Variants in MS4A1 observed in about 807,000 individuals in gnomAD.
MS4A1 encodes the protein B-lymphocyte antigen CD20.
Under a neutral mutation model 26.5 loss-of-function variants are expected in MS4A1, and 16 were observed. The observed-to-expected ratio is 0.60, with a 90% CI of 0.41 to 0.92. MS4A1 has a LOEUF of 0.92. MS4A1 is among the 40% of genes least tolerant of loss of function. MS4A1 has a pLI of 0.00. For synonymous variants in MS4A1, 128 were observed against 117.6 expected (o/e 1.09, Z -0.57); for missense variants, 350 against 353.0 (o/e 0.99, Z 0.07).
At chr11:60,462,680 A>G (rs1419501682) in intron 3 of MS4A1, 147 bp downstream of exon 3, 1 of 1,080,726 alleles carries the variant, frequency 9.3e-7, no homozygotes, top group African/African-American at 1.6e-5. Context: ...AGTGGGCCAA[A>G]TCAGGGGTGC....
chr11:60,462,910 T>C, intron 3 of MS4A1, 92 bp from the exon 4 acceptor site: 1 of 1,585,978 alleles, frequency 6.3e-7, no homozygotes, highest in Non-Finnish European at 8.6e-7. Context: ...TCCTCACAGC[T>C]CCAAGTCAGG....
Position 60,463,123 on chromosome 11 carries a change from T to C in MS4A1, c.279+2T>C. 1 of 1,614,006 alleles carries C rather than the reference T, an allele frequency of 6.2e-7. No homozygotes were observed. Among genetic ancestry groups the C allele is most frequent in the Non-Finnish European group, 8.5e-7 (1 of 1,179,986 alleles). On this transcript the variant is annotated splice_donor_variant, in intron 4 of 7. Transcript: ENST00000345732. LOFTEE classifies it high-confidence loss of function. Reference sequence around the variant, plus strand: ...TACCCTCTCTGGGGAGGCATTATGGTGAGTAAAAGAATAGCAGCCATTTGG... The same window carrying C: ...TACCCTCTCTGGGGAGGCATTATGGCGAGTAAAAGAATAGCAGCCATTTGG...
intron 7 of MS4A1, among the ~76,000 whole-genome samples, 154 bp downstream of exon 7, chr11:60,467,214 TATG>T (rs1017863860): frequency 6.6e-6 from 1 of 151,760 alleles, no homozygotes; most frequent in East Asian, 1.9e-4. Context: ...AAGCAAATAA[TATG>T]ATGTCTTGAA....
At chr11:60,462,001 A>AT (rs1565193984) in intron 2 of MS4A1, among the ~76,000 whole-genome samples, 184 bp from the exon 3 acceptor site, 1 of 152,208 alleles carries the variant, frequency 6.6e-6, no homozygotes, top group Non-Finnish European at 1.5e-5. Flanking sequence ...TTGAAAATAC[A>AT]TTTTTCAATA....
rs201807262 is a variant in MS4A1, at chr11:60,470,540, C to A, written c.*2072C>A. 1.3e-5 allele frequency: 2 copies of A among 151,900 alleles called. No individual in the cohort carries two copies. Among genetic ancestry groups the A allele is most frequent in the Non-Finnish European group, 2.9e-5 (2 of 67,878 alleles). 9.4% of individuals were successfully genotyped at this position (151,900 alleles called of 1,614,324 possible). A position where few individuals can be genotyped will look rare whatever the true frequency, so the allele number is the denominator to read the frequency against. The stretch of plus-strand genomic sequence containing the variant: ...TTATAATAGGAGACATCTTTAATGT[C>A]TGCTATTAAAGAAGGATGAAAATTC... On this transcript the variant is annotated 3_prime_UTR_variant, in exon 8 of 8. Coordinates refer to ENST00000345732, the MANE Select transcript of MS4A1 (RefSeq NM_152866.3).
Position 60,466,011 on chromosome 11 carries a change from A to T in MS4A1, c.427A>T (p.Ile143Phe). 1 of 1,613,836 alleles carries T rather than the reference A, an allele frequency of 6.2e-7. No homozygotes were observed. Among genetic ancestry groups the T allele is most frequent in the Non-Finnish European group, 8.5e-7 (1 of 1,179,820 alleles). The part of the protein sequence containing the change: ...LSIMDILNIK[I>F]SHFLKMESLN... Reference sequence around the variant, plus strand: ...AATCATGGACATACTTAATATTAAAATTTCCCATTTTTTAAAAATGGAGAG... The same window carrying T: ...AATCATGGACATACTTAATATTAAATTTTCCCATTTTTTAAAAATGGAGAG... The change falls in exon 6 of 8, where the codon ATT becomes TTT. Residue 143 changes from isoleucine (I) to phenylalanine (F), a missense_variant. Physicochemically the swap from Ile to Phe is conservative, Grantham distance 21. Coordinates refer to ENST00000345732, the MANE Select transcript of MS4A1 (RefSeq NM_152866.3).
intron 5 of MS4A1, among the ~76,000 whole-genome samples, chr11:60,464,854 T>A (rs577385626): frequency 6.6e-6 from 1 of 152,280 alleles, no homozygotes; most frequent in South Asian, 2.1e-4. Context: ...GGCTATAAAG[T>A]ACTACACTGT....
At chr11:60,465,672 T>C (rs2086284944) in intron 5 of MS4A1, 3 of 493,884 alleles carry the variant, frequency 6.1e-6, no homozygotes, top group African/African-American at 3.9e-5. Flanking sequence ...AATCAAGGGT[T>C]ACTCTTAGAA....
rs151285822 is a variant in MS4A1 at position 60,467,626 on chromosome 11, T to A, written c.675+566T>A. ...CCTGCTGCTTGACTTCAGGCTTCCA[T>A]CCTGATTTCATGATTCCATATACAG... On this transcript the variant is annotated intron_variant, in intron 7 of 7. Transcript: ENST00000345732. Among the ~76,000 whole-genome samples the A allele has an allele frequency of 2.7e-3, 415 of 151,982 alleles. 3 individuals carry two copies. The highest frequency in any genetic ancestry group is 9.4e-3 in the African/African-American group (390 of 41,460).
At chr11:60,466,406 C>T (rs2135202256) in intron 6 of MS4A1, among the ~76,000 whole-genome samples, 1 of 152,258 alleles carries the variant, frequency 6.6e-6, no homozygotes, top group East Asian at 1.9e-4. Flanking sequence ...GCATTTAGAA[C>T]AGTGTTTGGT....
At position 60,466,054 on chromosome 11, in the gene MS4A1, C is replaced by T. The variant is rs748894606; in HGVS notation, c.470C>T (p.Ala157Val). Reference protein sequence around the residue: ...LKMESLNFIRAHTPYINIYNC... With the variant: ...LKMESLNFIRVHTPYINIYNC... ...ATGGAGAGTCTGAATTTTATTAGAGCTCACACACCATATATTAACATATAC... is the reference window on the plus strand; with the variant it reads ...ATGGAGAGTCTGAATTTTATTAGAGTTCACACACCATATATTAACATATAC... The change falls in exon 6 of 8, where the codon GCT (alanine) becomes GTT (valine). Residue 157 changes from alanine (A) to valine (V), a missense_variant. Transcript: ENST00000345732. 2 of 1,613,876 alleles carry T rather than the reference C, an allele frequency of 1.2e-6. No homozygotes were observed. Among genetic ancestry groups the T allele is most frequent in the East Asian group, 2.2e-5 (1 of 44,858 alleles).
intron 5 of MS4A1, among the ~76,000 whole-genome samples, chr11:60,465,538 C>A (rs11230334): frequency 6.6e-6 from 1 of 152,008 alleles, no homozygotes; most frequent in East Asian, 1.9e-4. Context: ...TTCCCTCTAC[C>A]TATTTATGAA....
intron 1 of MS4A1, among the ~76,000 whole-genome samples, chr11:60,457,767 C>T (rs886985979): frequency 3.9e-5 from 6 of 152,086 alleles, no homozygotes; most frequent in Admixed American, 1.3e-4. Flanking sequence ...CACTGACTGG[C>T]GGAAACTAGT....
At chr11:60,457,411 A>C (rs1273034017) in intron 1 of MS4A1, among the ~76,000 whole-genome samples, 1 of 152,208 alleles carries the variant, frequency 6.6e-6, no homozygotes, top group Non-Finnish European at 1.5e-5. Flanking sequence ...CACTCAAAAC[A>C]GTGATCGGGA....
At chr11:60,468,183 G>A in intron 7 of MS4A1, 67 bp from the exon 8 acceptor site, 1 of 1,285,684 alleles carries the variant, frequency 7.8e-7, no homozygotes, top group Non-Finnish European at 1.1e-6. Flanking sequence ...ATAAATGTTT[G>A]TGGAGATTGT....
chr11:60,462,998 C>T lies in MS4A1; in HGVS notation c.160-4C>T, dbSNP rs200724174. 11 of 1,613,468 alleles carry T rather than the reference C, an allele frequency of 6.8e-6. No homozygotes were observed. The highest frequency in any genetic ancestry group is 9.3e-6 in the Non-Finnish European group (11 of 1,179,996). ...ATCCACTGCTGCCTCTGTTCTCTCC[C>T]CAGGCTGTCCAGATTATGAATGGGC... is the stretch of plus-strand genomic sequence containing the variant. On this transcript the variant is annotated splice_polypyrimidine_tract_variant and splice_region_variant and intron_variant, in intron 3 of 7. Coordinates refer to ENST00000345732, the MANE Select transcript of MS4A1 (RefSeq NM_152866.3).
At chr11:60,465,860 C>A in intron 5 of MS4A1, 61 bp from the exon 6 acceptor site, 1 of 1,342,464 alleles carries the variant, frequency 7.4e-7, no homozygotes, top group Non-Finnish European at 1.1e-6. Flanking sequence ...GAATTCCCTC[C>A]CAGATTATGT....
At chr11:60,458,492 A>T (rs915772963) in intron 1 of MS4A1, among the ~76,000 whole-genome samples, 1 of 152,226 alleles carries the variant, frequency 6.6e-6, no homozygotes, top group Admixed American at 6.5e-5. Context: ...GTACTGAGTG[A>T]TCACCTGAGT....
chr11:60,465,427 A>G (rs1355173621), intron 5 of MS4A1, among the ~76,000 whole-genome samples: 1 of 152,142 alleles, frequency 6.6e-6, no homozygotes, highest in Non-Finnish European at 1.5e-5. Context: ...ATTTCCATTT[A>G]TTTGATAGTA....
Sources: allele counts gnomAD v4.1 joint callset (sites outside exome capture counted in the v4.1 genomes callset), GRCh38; gene constraint gnomAD v4.1.1; transcripts MANE v1.5; gene names NCBI Gene and HGNC (gene_info 2026-07-23, HGNC 2026-07-21).